ST7: variants seen among roughly 807,000 people sequenced by gnomAD.
ST7 encodes suppression of tumorigenicity 7, also known as suppressor of tumorigenicity 7 protein.
A neutral mutation model predicts 78.7 loss-of-function variants in ST7; 28 were observed. The observed-to-expected ratio is 0.36, with a 90% CI of 0.26 to 0.49. ST7 has a LOEUF of 0.49. Ranked by LOEUF, ST7 falls within the 20% of genes least tolerant of loss-of-function variation. The pLI is 0.99. For synonymous variants in ST7, 247 were observed against 249.6 expected (o/e 0.99, Z 0.10); for missense variants, 418 against 696.0 (o/e 0.60, Z 4.49).
At chr7:117,210,787 A>G (rs1584613925) in intron 13 of ST7, among the ~76,000 whole-genome samples, 1 of 152,338 alleles carries the variant, frequency 6.6e-6, no homozygotes, top group Middle Eastern at 3.4e-3. Flanking sequence ...AAAAAAGTCA[A>G]GACTATGAAT....
chr7:117,196,987 T>G (rs1377552330), intron 12 of ST7, among the ~76,000 whole-genome samples: 1 of 152,162 alleles, frequency 6.6e-6, no homozygotes, highest in Non-Finnish European at 1.5e-5. Context: ...AAGAGTTCAA[T>G]TTCATTCTGT....
rs56178812 is a variant in ST7, at chr7:116,984,113, C to CTGTGTGTGTG, written c.151+30444_151+30453dup. 4.1e-4 allele frequency among the ~76,000 whole-genome samples: 59 copies of CTGTGTGTGTG among 144,764 alleles called. 1 individual carries two copies. The highest frequency in any genetic ancestry group is 1.7e-3 in the East Asian group (8 of 4,838). The allele number at this position is 144,764 out of a possible 152,430, so 95.0% of individuals were successfully genotyped here. A position where few individuals can be genotyped will look rare whatever the true frequency, so the allele number is the denominator to read the frequency against. ...TCCAGTTTGCACGTATTTATGTCAG[C>CTGTGTGTGTG]TGTGTGTGTGTGTGTGTGTGTGTGT... On this transcript the variant is annotated intron_variant, in intron 1 of 15. Coordinates refer to ENST00000323984, the MANE Select transcript of ST7 (RefSeq NM_001369598.1).
intron 1 of ST7, among the ~76,000 whole-genome samples, chr7:116,957,921 A>G (rs1792598436): frequency 6.6e-6 from 1 of 152,228 alleles, no homozygotes; most frequent in Admixed American, 6.5e-5. Flanking sequence ...GTTTTCAAAG[A>G]TCTTTGAAAT....
At chr7:117,226,285 T>C (rs1321449776) in intron 15 of ST7, among the ~76,000 whole-genome samples, 1 of 152,214 alleles carries the variant, frequency 6.6e-6, no homozygotes. Context: ...AATGTCGTTC[T>C]CTTTTTTTAC....
At position 117,209,767 on chromosome 7, in the gene ST7, G is replaced by A; in HGVS notation, c.1255-20G>A. ...ATTACTTAGGTATTAACACAAGTGT[G>A]TCCTGCTTTTTTATTTCAGTACCTA... On this transcript the variant is annotated intron_variant, in intron 12 of 15. Coordinates refer to ENST00000323984, the MANE Select transcript of ST7 (RefSeq NM_001369598.1). 2 of 1,609,860 alleles carry A rather than the reference G, an allele frequency of 1.2e-6. No homozygotes were observed. Among genetic ancestry groups the A allele is most frequent in the Non-Finnish European group, 1.7e-6 (2 of 1,178,480 alleles).
Position 117,031,828 on chromosome 7 carries a change from C to G in ST7, c.152-67934C>G, listed in dbSNP as rs1292721124. 1.7e-3 allele frequency among the ~76,000 whole-genome samples: 9 copies of G among 5,226 alleles called. 2 individuals carry two copies. In the South Asian group the frequency reaches 0.076, roughly 44 times the overall value. 3.4% of individuals were successfully genotyped at this position (5,226 alleles called of 152,430 possible). A position where few individuals can be genotyped will look rare whatever the true frequency, so the allele number is the denominator to read the frequency against. ...TGTATATATATGCATATATCTATAT[C>G]TATATCTATATCTATATCTATATCT... is the stretch of plus-strand genomic sequence containing the variant. On this transcript the variant is annotated intron_variant, in intron 1 of 15. Coordinates refer to ENST00000323984, the MANE Select transcript of ST7 (RefSeq NM_001369598.1).
At chr7:117,170,277 T>A (rs1393584863) in intron 9 of ST7, among the ~76,000 whole-genome samples, 2 of 152,146 alleles carry the variant, frequency 1.3e-5, no homozygotes, top group African/African-American at 4.8e-5. Context: ...TTATCCCACC[T>A]TACCAGAAAA....
In ST7 at chr7:117,199,347, G is replaced by A. The variant is rs1047931408; in HGVS notation, c.1254+8411G>A. On this transcript the variant is annotated intron_variant, in intron 12 of 15. Coordinates refer to ENST00000323984, the MANE Select transcript of ST7 (RefSeq NM_001369598.1). The stretch of plus-strand genomic sequence containing the variant: ...CTTCCTCCCTGCCCCTGCACCCTCT[G>A]TCTTGGTGCCTATTCTCATTATCAG... Among the ~76,000 whole-genome samples, 57 of 152,142 alleles carry A rather than the reference G, an allele frequency of 3.7e-4. 1 individual carries two copies. Among genetic ancestry groups the A allele is most frequent in the Non-Finnish European group, 1.0e-4 (7 of 68,024 alleles).
intron 1 of ST7, among the ~76,000 whole-genome samples, chr7:117,052,765 G>C (rs1797851051): frequency 6.6e-6 from 1 of 152,208 alleles, no homozygotes; most frequent in Non-Finnish European, 1.5e-5. Context: ...GTGGTGGCGG[G>C]CGTCTGTAGT....
intron 1 of ST7, among the ~76,000 whole-genome samples, chr7:117,077,233 G>T (rs541935029): frequency 6.6e-6 from 1 of 152,134 alleles, no homozygotes; most frequent in Non-Finnish European, 1.5e-5. Flanking sequence ...AGGATGCGGG[G>T]TGGGGCAGAC....
Position 117,099,905 on chromosome 7 carries a change from A to G in ST7, c.234+61A>G, listed in dbSNP as rs76146699. ...TGATTAGTAATATGTGTATTAGTGT[A>G]TGTACAGTAAAAAACTCTGGAAGAA... On this transcript the variant is annotated intron_variant, in intron 2 of 15. Coordinates refer to ENST00000323984, the MANE Select transcript of ST7 (RefSeq NM_001369598.1). 1,506 of 1,336,958 alleles carry G rather than the reference A, an allele frequency of 1.1e-3. 17 individuals carry two copies. In the African/African-American group the frequency reaches 0.02, roughly 18 times the overall value. The allele number at this position is 1,336,958 out of a possible 1,614,324, so 82.8% of individuals were successfully genotyped here.
chr7:117,173,812 G>A (rs896039082), intron 10 of ST7, among the ~76,000 whole-genome samples: 1 of 152,020 alleles, frequency 6.6e-6, no homozygotes, highest in Admixed American at 6.6e-5. Context: ...TATTACATTT[G>A]CTAGGTGGCT....
chr7:117,114,049 C>A (rs958128606), intron 2 of ST7, among the ~76,000 whole-genome samples: 1 of 152,106 alleles, frequency 6.6e-6, no homozygotes, highest in African/African-American at 2.4e-5. Context: ...CTTAAAGTCT[C>A]GGCAACAGGT....
At chr7:117,135,657 G>C (rs751686518) in intron 7 of ST7, among the ~76,000 whole-genome samples, 28 of 152,164 alleles carry the variant, frequency 1.8e-4, no homozygotes, top group Admixed American at 8.5e-4. Context: ...AATAACAGCT[G>C]TTATCATCAC....
intron 6 of ST7, among the ~76,000 whole-genome samples, chr7:117,132,345 A>G (rs1222113130): frequency 6.6e-6 from 1 of 151,878 alleles, no homozygotes; most frequent in Non-Finnish European, 1.5e-5. Context: ...TGGGGAAAAC[A>G]TGATAACAAC....
chr7:117,191,761 G>A (rs1474834408), intron 12 of ST7: 1 of 152,090 alleles, frequency 6.6e-6, no homozygotes, highest in East Asian at 1.9e-4. Flanking sequence ...GTTCACCTCA[G>A]GTATGACAAG....
intron 9 of ST7, among the ~76,000 whole-genome samples, chr7:117,165,477 C>A (rs762113997): frequency 3.9e-5 from 6 of 152,094 alleles, no homozygotes; most frequent in Non-Finnish European, 7.4e-5. Context: ...ATATGTAACT[C>A]AATGGCCTGA....
chr7:117,130,873 A>C (rs1291285327), intron 5 of ST7, among the ~76,000 whole-genome samples: 1 of 151,912 alleles, frequency 6.6e-6, no homozygotes. Context: ...AAGAAATATG[A>C]ATCTTATATG....
chr7:117,125,225 G>T lies in ST7; in HGVS notation c.395-4568G>T, dbSNP rs3808219. Reference sequence around the variant, plus strand: ...TTAGTAGCTAGTGAACACTTACTTAGTAAAGTTATTTCATAATTTCCACAT... The same window carrying T: ...TTAGTAGCTAGTGAACACTTACTTATTAAAGTTATTTCATAATTTCCACAT... On this transcript the variant is annotated intron_variant, in intron 3 of 15. Coordinates refer to ENST00000323984, the MANE Select transcript of ST7 (RefSeq NM_001369598.1). Among the ~76,000 whole-genome samples the T allele has an allele frequency of 8.7e-4, 133 of 152,188 alleles. 2 individuals are homozygous for T. The East Asian group carries it at 0.024, about 28-fold the overall frequency.
Sources: gnomAD v4.1 joint callset for allele counts (sites outside exome capture counted in the v4.1 genomes callset) on GRCh38, gnomAD v4.1.1 for gene constraint, MANE v1.5 for transcripts, NCBI Gene and HGNC (gene_info 2026-07-23, HGNC 2026-07-21) for gene names.